The following NUP85 variants were observed in gnomAD, a reference collection of about 807,000 sequenced individuals.
NUP85 encodes nuclear pore complex protein Nup85.
NUP85 carries 23 observed loss-of-function variants against 92.8 expected under a neutral mutation model. The observed-to-expected ratio is 0.25, with a 90% CI of 0.18 to 0.35. The LOEUF (loss-of-function observed/expected upper bound fraction) is 0.35, where lower values mean the gene tolerates loss of function less well. Among genes scored for constraint, NUP85 ranks in the 10% least tolerant of loss-of-function variants. The probability of loss-of-function intolerance (pLI) is 1.00; values close to 1 mark genes in which losing one functional copy is unlikely to be tolerated. For synonymous variants in NUP85, 314 were observed against 306.9 expected (o/e 1.02, Z -0.24); for missense variants, 759 against 822.8 (o/e 0.92, Z 0.95).
At chr17:75,218,070 G>C (rs1292407460) in intron 6 of NUP85, 115 bp from the exon 7 acceptor site, 3 of 1,378,408 alleles carry the variant, frequency 2.2e-6, no homozygotes, top group Non-Finnish European at 3.0e-6. Flanking sequence ...CTGCTTAAAA[G>C]GGATAAACCT....
chr17:75,224,041 A>G (rs575501618), intron 7 of NUP85, among the ~76,000 whole-genome samples: 25 of 151,372 alleles, frequency 1.7e-4, no homozygotes, highest in African/African-American at 5.8e-4. Context: ...ATTTTGTTTT[A>G]TTTTGTTTTG....
chr17:75,231,490 A>T lies in NUP85; in HGVS notation c.1178+67A>T. ...AGGCCCCCGAGGGTGGTGTGAACTG[A>T]ATGCCTGAAAGGGAGGTTGGGCTAA... On this transcript the variant is annotated intron_variant, in intron 12 of 18. Coordinates refer to ENST00000245544, the MANE Select transcript of NUP85 (RefSeq NM_024844.5). The surrounding 1 kb of genome is among the most constrained non-coding windows in gnomAD (Gnocchi z 4.6). 1 of 1,609,060 alleles carries T rather than the reference A, an allele frequency of 6.2e-7. No individual in the cohort carries two copies. Among genetic ancestry groups the T allele is most frequent in the South Asian group, 1.1e-5 (1 of 90,976 alleles).
chr17:75,217,266 C>T (rs2075459195), intron 6 of NUP85, among the ~76,000 whole-genome samples: 1 of 151,008 alleles, frequency 6.6e-6, no homozygotes, highest in South Asian at 2.1e-4. Flanking sequence ...CGCTATGTTG[C>T]CCGGGCTGTT....
chr17:75,211,554 G>A (rs1315790104), intron 3 of NUP85, among the ~76,000 whole-genome samples: 1 of 151,452 alleles, frequency 6.6e-6, no homozygotes, highest in Non-Finnish European at 1.5e-5. Context: ...AGCCTCCTGA[G>A]TAGCTGGGAT....
rs756031236 is a variant in NUP85 at position 75,231,780 on chromosome 17, G to A, written c.1245-48G>A. 1.4e-5 allele frequency: 22 copies of A among 1,610,376 alleles called. No homozygotes were observed. The East Asian group carries it at 3.8e-4, about 28-fold the overall frequency. On this transcript the variant is annotated intron_variant, in intron 13 of 18. Transcript: ENST00000245544. The surrounding 1 kb of genome is among the most constrained non-coding windows in gnomAD (Gnocchi z 4.6). ...AAGGGAGCTGTAGGTGCCAGTCCTCGGAGCCATGAGGCAGCACCTCATGTC... is the reference window on the plus strand; with the variant it reads ...AAGGGAGCTGTAGGTGCCAGTCCTCAGAGCCATGAGGCAGCACCTCATGTC...
At chr17:75,209,016 A>G (rs2075176017) in intron 2 of NUP85, among the ~76,000 whole-genome samples, 1 of 152,064 alleles carries the variant, frequency 6.6e-6, no homozygotes, top group Admixed American at 6.6e-5. Context: ...TATTTTTGAA[A>G]TGTTAGCTAT....
chr17:75,231,089 G>A lies in NUP85; in HGVS notation c.1095-251G>A. On this transcript the variant is annotated intron_variant, in intron 11 of 18. Coordinates refer to ENST00000245544, the MANE Select transcript of NUP85 (RefSeq NM_024844.5). This position sits in a 1 kb window ranked among gnomAD's most constrained non-coding sequence, Gnocchi z 4.6. ...TGGGATTACAGGTGTGTGCCACCATGCCTGGCTAATTTTTGTATTTGTAGA... is the reference window on the plus strand; with the variant it reads ...TGGGATTACAGGTGTGTGCCACCATACCTGGCTAATTTTTGTATTTGTAGA... The A allele has an allele frequency of 6.5e-6, 3 of 462,970 alleles. No homozygotes were observed. The highest frequency in any genetic ancestry group is 1.2e-5 in the Non-Finnish European group (3 of 249,982). 28.7% of individuals were successfully genotyped at this position (462,970 alleles called of 1,614,324 possible). A position where few individuals can be genotyped will look rare whatever the true frequency, so the allele number is the denominator to read the frequency against.
At chr17:75,232,123 T>C in intron 14 of NUP85, 144 bp downstream of exon 14, 1 of 796,180 alleles carries the variant, frequency 1.3e-6, no homozygotes, top group Non-Finnish European at 2.0e-6. Context: ...AGAGGTAAAC[T>C]AAGAGATGGG....
At chr17:75,235,297 A>G (rs1295659805) in intron 18 of NUP85, 96 bp downstream of exon 18, 15 of 820,162 alleles carry the variant, frequency 1.8e-5, no homozygotes, top group Admixed American at 2.6e-5. Context: ...ACTGGCTCCT[A>G]TGGACACATG....
chr17:75,229,044 C>T, intron 11 of NUP85: 1 of 985,490 alleles, frequency 1.0e-6, no homozygotes, highest in Non-Finnish European at 1.2e-6. Flanking sequence ...CAAGAGGAAA[C>T]AGCTGGGGTG....
At chr17:75,216,611 T>TACAGGC (rs2075440273) in intron 6 of NUP85, among the ~76,000 whole-genome samples, 1 of 152,196 alleles carries the variant, frequency 6.6e-6, no homozygotes, top group Non-Finnish European at 1.5e-5. Context: ...TGTCATGGCC[T>TACAGGC]GTATGAGCTC....
chr17:75,206,159 C>T (rs1317840287), intron 1 of NUP85, among the ~76,000 whole-genome samples: 1 of 152,138 alleles, frequency 6.6e-6, no homozygotes, highest in African/African-American at 2.4e-5. Context: ...CATCGCGGCA[C>T]ATTGAGCTTC....
In NUP85 at chr17:75,235,127, G is replaced by C. The variant is rs1358603772; in HGVS notation, c.1795G>C (p.Glu599Gln). 2 of 1,614,050 alleles carry C rather than the reference G, an allele frequency of 1.2e-6. No individual in the cohort carries two copies. The highest frequency in any genetic ancestry group is 4.5e-5 in the East Asian group (2 of 44,898). The change falls in exon 18 of 19, where the codon GAG (glutamate) becomes CAG (glutamine). Residue 599 changes from glutamate (E) to glutamine (Q), a missense_variant. Transcript: ENST00000245544. ...GATTTTCTCAGCAGAACAGACTTAT[G>C]AGTTGATGCGGTGTCTGGAGGACTT... ...QVIFSAEQTY[E>Q]LMRCLEDLTS...
intron 17 of NUP85, 87 bp downstream of exon 17, chr17:75,234,875 C>T (rs1296376310): frequency 6.5e-7 from 1 of 1,526,782 alleles, no homozygotes; most frequent in South Asian, 1.1e-5. Context: ...TGCGTGTTTC[C>T]TCCTTTGTCG....
intron 7 of NUP85, among the ~76,000 whole-genome samples, chr17:75,222,892 A>G (rs956497077): frequency 9.9e-5 from 15 of 151,908 alleles, no homozygotes; most frequent in Non-Finnish European, 1.5e-4. Flanking sequence ...AAAATTAGCC[A>G]GGCATGGTGG....
At chr17:75,205,833 T>A in intron 1 of NUP85, 39 bp downstream of exon 1, 1 of 1,611,174 alleles carries the variant, frequency 6.2e-7, no homozygotes, top group Non-Finnish European at 8.5e-7. Flanking sequence ...TCCTTGCGGG[T>A]TGAGAACTGC....
At chr17:75,223,785 T>G (rs939082886) in intron 7 of NUP85, among the ~76,000 whole-genome samples, 2 of 152,304 alleles carry the variant, frequency 1.3e-5, no homozygotes, top group African/African-American at 4.8e-5. Context: ...CATTTTAATT[T>G]TTTTCCAAAC....
chr17:75,221,726 G>T (rs950356740), intron 7 of NUP85, among the ~76,000 whole-genome samples: 7 of 152,174 alleles, frequency 4.6e-5, no homozygotes, highest in Middle Eastern at 3.2e-3. Flanking sequence ...GCCATATGGG[G>T]TGAGGGGGCA....
rs11403555 is a variant in NUP85 at position 75,211,003 on chromosome 17, G to GTTT, written c.291-974_291-972dup. On this transcript the variant is annotated intron_variant, in intron 3 of 18. Transcript: ENST00000245544. ...GACGTGAGCCACTGTGCCTGGCCCT[G>GTTT]TTTTTTTTTTTTTTTTTGAGACAGA... is the stretch of plus-strand genomic sequence containing the variant. Among the ~76,000 whole-genome samples the GTTT allele has an allele frequency of 5.6e-4, 62 of 111,648 alleles. 2 individuals carry two copies. The highest frequency in any genetic ancestry group is 1.4e-3 in the Admixed American group (13 of 9,192). The allele number at this position is 111,648 out of a possible 152,430, so 73.2% of individuals were successfully genotyped here.
Sources: gnomAD v4.1 joint callset for allele counts (sites outside exome capture counted in the v4.1 genomes callset) on GRCh38, gnomAD v4.1.1 for gene constraint, Gnocchi (gnomAD v3.1) non-coding constraint, MANE v1.5 for transcripts, NCBI Gene and HGNC (gene_info 2026-07-23, HGNC 2026-07-21) for gene names.